EYA4: variants seen among roughly 807,000 people sequenced by gnomAD.
EYA4 encodes the protein protein phosphatase EYA4.
In EYA4, 31 loss-of-function variants were observed where a neutral mutation model predicts 87.9. That is an observed-to-expected ratio of 0.35 (90% CI 0.27 to 0.48). The LOEUF is 0.48. EYA4 is among the 20% of genes least tolerant of loss of function. The pLI is 0.99. For missense variants in EYA4, 678 were observed against 761.4 expected, an observed-to-expected ratio of 0.89 and a Z score of 1.29; for synonymous variants, 263 against 270.6, an observed-to-expected ratio of 0.97 and a Z score of 0.28.
rs894742708 is a variant in EYA4 at position 133,531,971 on chromosome 6, C to T, written c.*3166C>T. The T allele has an allele frequency of 6.6e-6, 1 of 152,138 alleles. No homozygotes were observed. 9.4% of individuals were successfully genotyped at this position (152,138 alleles called of 1,614,324 possible). On this transcript the variant is annotated 3_prime_UTR_variant, in exon 20 of 20. Transcript: ENST00000355286. ...TAGCATTATGGACATCTCACAATGTCAAGGGTTTCTGTTATGTATTAGTAA... is the reference window on the plus strand; with the variant it reads ...TAGCATTATGGACATCTCACAATGTTAAGGGTTTCTGTTATGTATTAGTAA...
At chr6:133,335,469 ACT>A (rs1782295434) in intron 2 of EYA4, among the ~76,000 whole-genome samples, 1 of 152,178 alleles carries the variant, frequency 6.6e-6, no homozygotes, top group South Asian at 2.1e-4. Context: ...CAAATGACAG[ACT>A]CTGTTCTTGC....
intron 2 of EYA4, among the ~76,000 whole-genome samples, chr6:133,364,435 G>A (rs1020139200): frequency 5.9e-5 from 9 of 152,082 alleles, no homozygotes; most frequent in African/African-American, 1.7e-4. Context: ...TTGGACATGC[G>A]ACACACCCAC....
At chr6:133,372,825 T>G (rs1201491857) in intron 2 of EYA4, among the ~76,000 whole-genome samples, 1 of 151,842 alleles carries the variant, frequency 6.6e-6, no homozygotes, top group Non-Finnish European at 1.5e-5. Flanking sequence ...CTTTAAAATT[T>G]TGTGTGCATT....
intron 1 of EYA4, among the ~76,000 whole-genome samples, chr6:133,254,425 T>G (rs1322501910): frequency 6.6e-6 from 1 of 152,188 alleles, no homozygotes; most frequent in Non-Finnish European, 1.5e-5. Context: ...TGAGGGAAAT[T>G]ACATCTTTTT....
chr6:133,406,724 T>G (rs1788740655), intron 3 of EYA4, among the ~76,000 whole-genome samples: 1 of 152,212 alleles, frequency 6.6e-6, no homozygotes, highest in Non-Finnish European at 1.5e-5. Flanking sequence ...GTATAAAACC[T>G]GTTTCTTATA....
intron 3 of EYA4, among the ~76,000 whole-genome samples, chr6:133,446,312 G>C (rs1411336657): frequency 2.0e-5 from 3 of 151,960 alleles, no homozygotes; most frequent in Admixed American, 2.0e-4. Flanking sequence ...ATTTTTATAT[G>C]TCAGTGATAA....
intron 1 of EYA4, among the ~76,000 whole-genome samples, chr6:133,268,907 A>G (rs540469361): frequency 2.0e-5 from 3 of 152,186 alleles, no homozygotes; most frequent in Non-Finnish European, 2.9e-5. Flanking sequence ...TGCTGTCCCA[A>G]CACAAAAACA....
chr6:133,490,400 A>AAAC (rs1797046433), intron 13 of EYA4, among the ~76,000 whole-genome samples: 1 of 151,922 alleles, frequency 6.6e-6, no homozygotes, highest in Admixed American at 6.6e-5. Flanking sequence ...AAACAAAAAA[A>AAAC]AACAAAAAAC....
chr6:133,342,937 C>A (rs868286922), intron 2 of EYA4, among the ~76,000 whole-genome samples: 11 of 151,922 alleles, frequency 7.2e-5, no homozygotes, highest in African/African-American at 2.4e-4. Flanking sequence ...GGCATATTGA[C>A]CTTCATGATT....
intron 2 of EYA4, among the ~76,000 whole-genome samples, chr6:133,303,450 T>C (rs9493587): frequency 0.037 from 5,670 of 152,226 alleles, 307 homozygotes; most frequent in African/African-American, 0.11. Flanking sequence ...GCTAGACCAG[T>C]GTTTTGCAGC....
chr6:133,336,257 G>GA (rs1562302921), intron 2 of EYA4, among the ~76,000 whole-genome samples: 1 of 151,992 alleles, frequency 6.6e-6, no homozygotes, highest in Non-Finnish European at 1.5e-5. Flanking sequence ...AATAAGAGAG[G>GA]AAAAAATGTG....
At chr6:133,335,795 G>C (rs1782323363) in intron 2 of EYA4, among the ~76,000 whole-genome samples, 1 of 152,094 alleles carries the variant, frequency 6.6e-6, no homozygotes, top group Admixed American at 6.6e-5. Flanking sequence ...GTAAGTAGGG[G>C]CCAGGACATC....
intron 2 of EYA4, among the ~76,000 whole-genome samples, chr6:133,287,766 C>T (rs1391533491): frequency 6.6e-6 from 1 of 152,118 alleles, no homozygotes; most frequent in African/African-American, 2.4e-5. Flanking sequence ...AGGGAGATTA[C>T]TGAAGGTGGG....
chr6:133,446,812 A>G (rs1792889853), intron 4 of EYA4, 58 bp downstream of exon 4: 2 of 1,528,812 alleles, frequency 1.3e-6, no homozygotes, highest in Admixed American at 1.7e-5. Context: ...CTTTAATTTT[A>G]CTTCTTAGAG....
intron 15 of EYA4, 42 bp downstream of exon 15, chr6:133,512,821 G>C: frequency 6.2e-7 from 1 of 1,612,044 alleles, no homozygotes. Flanking sequence ...ACAGAAATTC[G>C]GCTGTGGAGT....
intron 2 of EYA4, among the ~76,000 whole-genome samples, chr6:133,299,045 G>A (rs948156387): frequency 1.3e-5 from 2 of 152,060 alleles, no homozygotes; most frequent in African/African-American, 2.4e-5. Flanking sequence ...TGTGGTGGGG[G>A]AATGAAGCAG....
At chr6:133,405,795 G>T (rs903014493) in intron 3 of EYA4, among the ~76,000 whole-genome samples, 1 of 152,056 alleles carries the variant, frequency 6.6e-6, no homozygotes, top group African/African-American at 2.4e-5. Flanking sequence ...TGGGGGGAAG[G>T]GGGTGACAAT....
At chr6:133,353,466 C>A (rs1274936829) in intron 2 of EYA4, among the ~76,000 whole-genome samples, 2 of 152,068 alleles carry the variant, frequency 1.3e-5, no homozygotes, top group African/African-American at 4.8e-5. Flanking sequence ...ATTTTTTGAA[C>A]ATTTCTTGGC....
At chr6:133,250,045 G>A (rs1447084886) in intron 1 of EYA4, among the ~76,000 whole-genome samples, 1 of 152,172 alleles carries the variant, frequency 6.6e-6, no homozygotes, top group Non-Finnish European at 1.5e-5. Context: ...CAGAGATTGT[G>A]ACACTGAACA....
Sources: gnomAD v4.1 joint callset for allele counts (sites outside exome capture counted in the v4.1 genomes callset) on GRCh38, gnomAD v4.1.1 for gene constraint, MANE v1.5 for transcripts, NCBI Gene and HGNC (gene_info 2026-07-23, HGNC 2026-07-21) for gene names.